Variants in FAM120A observed in about 807,000 individuals in gnomAD.
FAM120A encodes constitutive coactivator of PPAR-gamma-like protein 1.
FAM120A carries 15 observed loss-of-function variants against 109.7 expected under a neutral mutation model. The observed-to-expected ratio is 0.14, with a 90% CI of 0.09 to 0.21. The LOEUF is 0.21. Among genes scored for constraint, FAM120A ranks in the 10% least tolerant of loss-of-function variants. The probability of loss-of-function intolerance (pLI) is 1.00; values close to 1 mark genes in which losing one functional copy is unlikely to be tolerated. For synonymous variants in FAM120A, 493 were observed against 572.8 expected, an observed-to-expected ratio of 0.86 and a Z score of 1.99; for missense variants, 899 against 1,439.3, an observed-to-expected ratio of 0.62 and a Z score of 6.07.
In FAM120A at chr9:93,565,916, T is replaced by C. The variant is rs574414528; in HGVS notation, c.*1376T>C. On this transcript the variant is annotated 3_prime_UTR_variant, in exon 18 of 18. Coordinates refer to ENST00000277165, the MANE Select transcript of FAM120A (RefSeq NM_014612.5). ...TTAGTGATCAGAAATGAGGTGTAAT[T>C]CCCCAACCCCTGCCCGCAAGAGCTA... 1 of 152,718 alleles carries C rather than the reference T, an allele frequency of 6.5e-6. No homozygotes were observed. The highest frequency in any genetic ancestry group is 1.9e-4 in the East Asian group (1 of 5,182). The allele number at this position is 152,718 out of a possible 1,614,324, so 9.5% of individuals were successfully genotyped here.
rs1351894590 is a variant in FAM120A, at chr9:93,561,124, C to T, written c.2822C>T (p.Pro941Leu). 6.2e-7 allele frequency: 1 copy of T among 1,613,694 alleles called. No individual in the cohort carries two copies. Among genetic ancestry groups the T allele is most frequent in the Non-Finnish European group, 8.5e-7 (1 of 1,179,964 alleles). Residue 941 changes from proline (P) to leucine (L), a missense_variant, in exon 16 of 18, where the codon CCT becomes CTT. This residue lies in a region of FAM120A where 129 missense variants were observed against 153.4 expected (regional missense o/e 0.84). Transcript: ENST00000277165. Reference protein sequence around the residue: ...SKSQGGVQPIPSQGGKLEIAG... With the variant: ...SKSQGGVQPILSQGGKLEIAG... ...TTTTATGCAGGAGTCCAACCTATAC[C>T]TTCTCAGGGAGGCAAACTAGAAATA...
intron 10 of FAM120A, among the ~76,000 whole-genome samples, chr9:93,540,576 G>A (rs549577724): frequency 4.6e-5 from 7 of 152,254 alleles, no homozygotes; most frequent in South Asian, 4.2e-4. Context: ...GTCCAGTTTC[G>A]GCTCTCAGGA....
rs190478418 is a variant in FAM120A, at chr9:93,488,298, A to C, written c.805-9173A>C. On this transcript the variant is annotated intron_variant, in intron 3 of 17. Coordinates refer to ENST00000277165, the MANE Select transcript of FAM120A (RefSeq NM_014612.5). Reference sequence around the variant, plus strand: ...CTTCCTTCTCTTTAATCTCATTGTCATAAGATTGCTTTTGTCAAGACCATG... The same window carrying C: ...CTTCCTTCTCTTTAATCTCATTGTCCTAAGATTGCTTTTGTCAAGACCATG... Among the ~76,000 whole-genome samples, 52 of 152,270 alleles carry C rather than the reference A, an allele frequency of 3.4e-4. 2 individuals carry two copies. Among genetic ancestry groups the C allele is most frequent in the African/African-American group, 1.2e-3 (51 of 41,550 alleles).
intron 15 of FAM120A, 131 bp downstream of exon 15, chr9:93,558,849 C>T (rs911299656): frequency 8.8e-6 from 9 of 1,019,798 alleles, no homozygotes; most frequent in African/African-American, 8.0e-5. Context: ...TCTGGGTCCC[C>T]GCTCTGACCC....
At chr9:93,491,096 C>T (rs1339756955) in intron 3 of FAM120A, among the ~76,000 whole-genome samples, 1 of 152,164 alleles carries the variant, frequency 6.6e-6, no homozygotes, top group Non-Finnish European at 1.5e-5. Flanking sequence ...GAGATGAGGC[C>T]AGGGGCTCAC....
In FAM120A at chr9:93,500,073, T is replaced by G. The variant is rs1015659274; in HGVS notation, c.1030+1187T>G. 1.8e-4 allele frequency among the ~76,000 whole-genome samples: 27 copies of G among 152,238 alleles called. 2 individuals carry two copies. Among genetic ancestry groups the G allele is most frequent in the African/African-American group, 6.3e-4 (26 of 41,470 alleles). On this transcript the variant is annotated intron_variant, in intron 5 of 17. Transcript: ENST00000277165. This position sits in a 1 kb window ranked among gnomAD's most constrained non-coding sequence, Gnocchi z 4.6. ...GGGCATGGAGTGGCTGAATCTCCACTGCGAGGTCAGTAAATGGCAGCAGCC... is the reference window on the plus strand; with the variant it reads ...GGGCATGGAGTGGCTGAATCTCCACGGCGAGGTCAGTAAATGGCAGCAGCC...
chr9:93,543,497 AC>A (rs1489406967), intron 11 of FAM120A, 26 bp downstream of exon 11: 8 of 1,606,388 alleles, frequency 5.0e-6, no homozygotes, highest in African/African-American at 4.0e-5. Flanking sequence ...GGGAGCTGGG[AC>A]CTGGGTCCCC....
intron 1 of FAM120A, among the ~76,000 whole-genome samples, chr9:93,469,776 A>G (rs1858228020): frequency 6.6e-6 from 1 of 152,148 alleles, no homozygotes; most frequent in South Asian, 2.1e-4. Flanking sequence ...GGAAATGTTT[A>G]CCGAGAATTC....
rs1857330699 is a variant in FAM120A at position 93,452,813 on chromosome 9, A to G, written c.474+424A>G. 6.3e-7 allele frequency: 1 copy of G among 1,580,954 alleles called. No homozygotes were observed. Among genetic ancestry groups the G allele is most frequent in the African/African-American group, 1.3e-5 (1 of 74,332 alleles). ...CCAGCAACAGGTTCATCTTGGAAGC[A>G]GGCAGGATACAGAGTAATAGAGGGG... On this transcript the variant is annotated intron_variant, in intron 1 of 17. Transcript: ENST00000277165. The surrounding 1 kb of genome is among the most constrained non-coding windows in gnomAD (Gnocchi z 7.0).
At chr9:93,502,196 A>G (rs1413458218) in intron 5 of FAM120A, among the ~76,000 whole-genome samples, 1 of 152,200 alleles carries the variant, frequency 6.6e-6, no homozygotes, top group African/African-American at 2.4e-5. Flanking sequence ...TATCTTATTA[A>G]TCATTCAGAA....
intron 1 of FAM120A, among the ~76,000 whole-genome samples, chr9:93,461,089 C>T: frequency 6.6e-6 from 1 of 152,116 alleles, no homozygotes; most frequent in Admixed American, 6.5e-5. Context: ...AGGTGATGGT[C>T]AATCTGCATT....
At position 93,551,250 on chromosome 9, in the gene FAM120A, C is replaced by T. The variant is rs949925990; in HGVS notation, c.2274+559C>T. ...TAACATCATATTCCTTTTAATTTTG[C>T]CTTCTAGTAATTCCTTTTGTTCTTT... On this transcript the variant is annotated intron_variant, in intron 12 of 17. Transcript: ENST00000277165. Among the ~76,000 whole-genome samples, 6 of 152,082 alleles carry T rather than the reference C, an allele frequency of 3.9e-5. No homozygotes were observed. In the South Asian group the frequency reaches 1.0e-3, roughly 26 times the overall value.
At chr9:93,520,481 T>C (rs1439031841) in intron 7 of FAM120A, among the ~76,000 whole-genome samples, 1 of 152,226 alleles carries the variant, frequency 6.6e-6, no homozygotes, top group African/African-American at 2.4e-5. Context: ...AGATACCTTT[T>C]ACAAAAGCCT....
At chr9:93,486,972 C>A (rs1859088646) in intron 3 of FAM120A, among the ~76,000 whole-genome samples, 1 of 152,136 alleles carries the variant, frequency 6.6e-6, no homozygotes, top group Non-Finnish European at 1.5e-5. Flanking sequence ...TTTATTTTCT[C>A]CATCTTAGTG....
chr9:93,456,409 G>A (rs1476979493), intron 1 of FAM120A, among the ~76,000 whole-genome samples: 3 of 152,134 alleles, frequency 2.0e-5, no homozygotes, highest in African/African-American at 4.8e-5. Flanking sequence ...ATAAAATGGC[G>A]TTCATGCTAT....
At chr9:93,553,727 G>A (rs1028866301) in intron 12 of FAM120A, among the ~76,000 whole-genome samples, 19 of 152,162 alleles carry the variant, frequency 1.2e-4, no homozygotes, top group Non-Finnish European at 2.5e-4. Context: ...CCAATTACCA[G>A]CTCTGTGACC....
intron 3 of FAM120A, among the ~76,000 whole-genome samples, chr9:93,493,208 A>G (rs1859410007): frequency 6.6e-6 from 1 of 152,138 alleles, no homozygotes; most frequent in Admixed American, 6.5e-5. Flanking sequence ...TAAAAATATG[A>G]TCTTTGAGTG....
intron 1 of FAM120A, among the ~76,000 whole-genome samples, chr9:93,457,128 A>G (rs1219587373): frequency 6.6e-6 from 1 of 152,204 alleles, no homozygotes; most frequent in African/African-American, 2.4e-5. Flanking sequence ...TTGTTTATCC[A>G]TTCATCCACT....
chr9:93,562,079 G>A (rs1308972206), intron 16 of FAM120A, 129 bp from the exon 17 acceptor site: 17 of 751,580 alleles, frequency 2.3e-5, no homozygotes, highest in South Asian at 5.6e-5. Context: ...TGCAACTTCC[G>A]GCATAAATGG....
Sources: allele counts gnomAD v4.1 joint callset (sites outside exome capture counted in the v4.1 genomes callset), GRCh38; gene constraint gnomAD v4.1.1; regional missense constraint gnomAD v4.1.1; non-coding constraint Gnocchi (gnomAD v3.1); transcripts MANE v1.5; gene names NCBI Gene and HGNC (gene_info 2026-07-23, HGNC 2026-07-21).